The following EPRS1 variants were observed in gnomAD, a reference collection of about 807,000 sequenced individuals.
EPRS1 encodes the protein glutamyl-prolyl-tRNA synthetase 1, also known as bifunctional glutamate/proline--tRNA ligase.
In EPRS1, 107 loss-of-function variants were observed where a neutral mutation model predicts 188.3. The observed-to-expected ratio is 0.57, with a 90% CI of 0.49 to 0.67. The LOEUF (loss-of-function observed/expected upper bound fraction) is 0.67, where lower values mean the gene tolerates loss of function less well. Ranked by LOEUF, EPRS1 falls within the 30% of genes least tolerant of loss-of-function variation. The pLI is 0.00. For synonymous variants in EPRS1, 596 were observed against 593.1 expected, an observed-to-expected ratio of 1.00 and a Z score of -0.07; for missense variants, 1,577 against 1,802.2, an observed-to-expected ratio of 0.88 and a Z score of 2.26.
chr1:220,018,137 G>T (rs1003266323), intron 12 of EPRS1: 5 of 1,348,174 alleles, frequency 3.7e-6, no homozygotes, highest in Non-Finnish European at 4.9e-6. Context: ...TTCTTACAGA[G>T]AGCTCGCAGC....
At chr1:219,988,906 T>G in intron 18 of EPRS1, 83 bp from the exon 19 acceptor site, 1 of 784,266 alleles carries the variant, frequency 1.3e-6, no homozygotes, top group Non-Finnish European at 2.0e-6. Context: ...TCTTTAATTA[T>G]CAGCAAATCA....
chr1:219,978,111 C>T (rs190668205), intron 28 of EPRS1, among the ~76,000 whole-genome samples: 2 of 152,172 alleles, frequency 1.3e-5, no homozygotes. Context: ...TGGTATGAAA[C>T]AATGTGGTGT....
At chr1:219,992,883 C>T (rs763816020) in intron 18 of EPRS1, among the ~76,000 whole-genome samples, 8 of 152,130 alleles carry the variant, frequency 5.3e-5, no homozygotes, top group Non-Finnish European at 1.0e-4. Flanking sequence ...CTCACCATTG[C>T]ACTCCAGCCT....
intron 23 of EPRS1, 95 bp downstream of exon 23, chr1:219,982,677 T>C (rs1207511756): frequency 2.2e-6 from 2 of 901,716 alleles, no homozygotes; most frequent in East Asian, 2.4e-5. Context: ...TCAACAGAGA[T>C]TATAGCTATC....
intron 30 of EPRS1, among the ~76,000 whole-genome samples, chr1:219,970,010 C>T (rs983635595): frequency 3.3e-5 from 5 of 152,050 alleles, no homozygotes; most frequent in Admixed American, 6.6e-5. Context: ...TTAGTAGAGA[C>T]GGGGTTTCGC....
rs1037374473 is a variant in EPRS1, at chr1:219,987,506, G to A, written c.2776-102C>T. ...CAATGCTCAAAGCTTTCTTTTTTCC[G>A]CCAATATCACACGGGGAATGTGCCC... On this transcript the variant is annotated intron_variant, in intron 19 of 31. Coordinates refer to ENST00000366923, the MANE Select transcript of EPRS1 (RefSeq NM_004446.3). 38 of 977,886 alleles carry A rather than the reference G, an allele frequency of 3.9e-5. No individual in the cohort carries two copies. In the East Asian group the frequency reaches 5.9e-4, roughly 15 times the overall value. The allele number at this position is 977,886 out of a possible 1,614,324, so 60.6% of individuals were successfully genotyped here.
At chr1:220,036,359 T>G (rs1662180291) in intron 2 of EPRS1, among the ~76,000 whole-genome samples, 1 of 152,184 alleles carries the variant, frequency 6.6e-6, no homozygotes, top group Admixed American at 6.5e-5. Flanking sequence ...TATAGTTCAT[T>G]CTACCATAAA....
intron 17 of EPRS1, among the ~76,000 whole-genome samples, chr1:219,998,019 A>T (rs1661269912): frequency 6.6e-6 from 1 of 152,200 alleles, no homozygotes; most frequent in African/African-American, 2.4e-5. Context: ...AACCCTGAAG[A>T]GTGAATAAAG....
At chr1:219,996,181 A>G (rs115919741) in intron 18 of EPRS1, among the ~76,000 whole-genome samples, 1 of 152,188 alleles carries the variant, frequency 6.6e-6, no homozygotes, top group African/African-American at 2.4e-5. Context: ...ATTTCACACT[A>G]GGTGCCACAC....
chr1:220,040,319 T>C lies in EPRS1; in HGVS notation c.47-50A>G, dbSNP rs751695794. 6.1e-5 allele frequency: 75 copies of C among 1,235,060 alleles called. 1 individual carries two copies. Among genetic ancestry groups the C allele is most frequent in the Middle Eastern group, 2.0e-4 (1 of 4,998 alleles). The allele number at this position is 1,235,060 out of a possible 1,614,324, so 76.5% of individuals were successfully genotyped here. A position where few individuals can be genotyped will look rare whatever the true frequency, so the allele number is the denominator to read the frequency against. On this transcript the variant is annotated intron_variant, in intron 1 of 31. Coordinates refer to ENST00000366923, the MANE Select transcript of EPRS1 (RefSeq NM_004446.3). ...TTATCTTTAAAAGCAATGCAGTATT[T>C]ATAACTTGAATCATAAAGCAATCAG...
At position 220,040,203 on chromosome 1, in the gene EPRS1, TTC is replaced by T; in HGVS notation, c.111_112del (p.Asn38TyrfsTer6). ...CACTTACTCAGAAACATGAAGAATATTCTCTTTCCCTTCTTCAACGGAAATGC... is the reference window on the plus strand; with the variant it reads ...CACTTACTCAGAAACATGAAGAATATTCTTTCCCTTCTTCAACGGAAATGC... On this transcript the variant is annotated frameshift_variant, in exon 2 of 32. Coordinates refer to ENST00000366923, the MANE Select transcript of EPRS1 (RefSeq NM_004446.3). LOFTEE classifies it high-confidence loss of function. 1.2e-6 allele frequency: 2 copies of T among 1,600,450 alleles called. No homozygotes were observed. The highest frequency in any genetic ancestry group is 1.7e-6 in the Non-Finnish European group (2 of 1,168,336).
At chr1:220,024,537 G>A in intron 7 of EPRS1, 81 bp from the exon 8 acceptor site, 2 of 887,756 alleles carry the variant, frequency 2.3e-6, no homozygotes, top group Non-Finnish European at 3.4e-6. Context: ...CTGCATTTAA[G>A]CAAATGTAAC....
intron 3 of EPRS1, among the ~76,000 whole-genome samples, chr1:220,034,243 C>T (rs1056354297): frequency 7.2e-5 from 11 of 152,106 alleles, no homozygotes; most frequent in African/African-American, 2.4e-4. Flanking sequence ...TACACAAATA[C>T]GTATTGTGTT....
Position 220,005,310 on chromosome 1 carries a change from T to C in EPRS1, c.2001A>G (p.Gly667=). The C allele has an allele frequency of 6.2e-7, 1 of 1,601,484 alleles. No homozygotes were observed. Among genetic ancestry groups the C allele is most frequent in the Non-Finnish European group, 8.5e-7 (1 of 1,173,794 alleles). The change falls in exon 16 of 32, where the codon GGA becomes GGG. Residue 667 remains glycine, a synonymous_variant. Coordinates refer to ENST00000366923, the MANE Select transcript of EPRS1 (RefSeq NM_004446.3). ...CTCTTCTCTGGAGTTGTATAATATC[T>C]CCTTTTTTCAAATCCTTAAGGCAGG... ...GDPCLKDLKK[G]DIIQLQRRGF... is the part of the protein sequence containing the mutation.
At chr1:220,025,102 G>T in intron 7 of EPRS1, 30 bp downstream of exon 7, 1 of 1,602,134 alleles carries the variant, frequency 6.2e-7, no homozygotes, top group Non-Finnish European at 8.5e-7. Flanking sequence ...CACTTTTCTG[G>T]CAAAGGGTCA....
At chr1:219,973,844 T>C (rs1463985207) in intron 28 of EPRS1, among the ~76,000 whole-genome samples, 1 of 152,188 alleles carries the variant, frequency 6.6e-6, no homozygotes, top group Non-Finnish European at 1.5e-5. Flanking sequence ...CTCTTATCTT[T>C]AGCATGCATT....
At chr1:220,006,010 A>G in intron 15 of EPRS1, 96 bp downstream of exon 15, 1 of 650,468 alleles carries the variant, frequency 1.5e-6, no homozygotes. Flanking sequence ...TACACATCTT[A>G]TCCATTTTAT....
At chr1:220,037,032 GAA>G (rs113145046) in intron 2 of EPRS1, among the ~76,000 whole-genome samples, 8 of 144,594 alleles carry the variant, frequency 5.5e-5, no homozygotes, top group African/African-American at 1.5e-4. Flanking sequence ...GAAAGTAAAG[GAA>G]AAAAAAAAAA....
At chr1:219,980,878 ATTTAGT>A in intron 24 of EPRS1, 21 bp from the exon 25 acceptor site, 1 of 1,549,604 alleles carries the variant, frequency 6.5e-7, no homozygotes, top group East Asian at 2.3e-5. Flanking sequence ...CAAGAAAACA[ATTTAGT>A]CATTATAAAG....
Sources: gnomAD v4.1 joint callset for allele counts (sites outside exome capture counted in the v4.1 genomes callset) on GRCh38, gnomAD v4.1.1 for gene constraint, MANE v1.5 for transcripts, NCBI Gene and HGNC (gene_info 2026-07-23, HGNC 2026-07-21) for gene names.